The following NARS2 variants were observed in gnomAD, a reference collection of about 807,000 sequenced individuals.
The protein encoded by NARS2 is asparaginyl-tRNA synthetase 2, mitochondrial, also known as asparaginyl-tRNA synthetase.
NARS2 carries 60 observed loss-of-function variants against 62.9 expected under a neutral mutation model. That is an observed-to-expected ratio of 0.95 (90% CI 0.77 to 1.18). NARS2 has a LOEUF of 1.18. NARS2 is among the 50% of genes most tolerant of loss of function. NARS2 has a pLI of 0.00. For missense variants in NARS2, 619 were observed against 576.4 expected, an observed-to-expected ratio of 1.07 and a Z score of -0.76; for synonymous variants, 196 against 200.0, an observed-to-expected ratio of 0.98 and a Z score of 0.17.
At chr11:78,530,527 G>A (rs980944732) in intron 5 of NARS2, among the ~76,000 whole-genome samples, 3 of 152,182 alleles carry the variant, frequency 2.0e-5, no homozygotes, top group South Asian at 4.1e-4. Flanking sequence ...AGGCTGAAGT[G>A]CAGTGGCGCG....
intron 5 of NARS2, among the ~76,000 whole-genome samples, chr11:78,559,301 CAAAAAAAAAAAAAA>C (rs10627726): frequency 3.4e-5 from 2 of 58,452 alleles, no homozygotes; most frequent in African/African-American, 8.1e-5. Flanking sequence ...GACTCCATCT[CAAAAAAAAAAAAAA>C]AAAAAAAAAA....
intron 5 of NARS2, among the ~76,000 whole-genome samples, chr11:78,537,822 A>ACATG (rs1436465752): frequency 2.0e-5 from 3 of 152,208 alleles, no homozygotes; most frequent in South Asian, 2.1e-4. Context: ...ATACATACAT[A>ACATG]CATGCAAACA....
At chr11:78,514,248 G>A (rs557287020) in intron 6 of NARS2, among the ~76,000 whole-genome samples, 1 of 151,968 alleles carries the variant, frequency 6.6e-6, no homozygotes, top group Admixed American at 6.6e-5. Flanking sequence ...TCAGCCTCCC[G>A]AGTAGCTGGG....
chr11:78,458,333 T>A (rs1377512130), intron 11 of NARS2, among the ~76,000 whole-genome samples: 1 of 152,200 alleles, frequency 6.6e-6, no homozygotes, highest in African/African-American at 2.4e-5. Flanking sequence ...ATTGACTACC[T>A]ACTTCCTAAA....
chr11:78,547,748 C>T (rs1423432250), intron 5 of NARS2, among the ~76,000 whole-genome samples: 1 of 152,166 alleles, frequency 6.6e-6, no homozygotes, highest in Non-Finnish European at 1.5e-5. Flanking sequence ...TATGACTAGA[C>T]TAGTCTTAAG....
At chr11:78,482,462 G>A (rs2135280922) in intron 7 of NARS2, among the ~76,000 whole-genome samples, 1 of 152,088 alleles carries the variant, frequency 6.6e-6, no homozygotes, top group East Asian at 1.9e-4. Flanking sequence ...TCCAGGAGCT[G>A]GTTTTTTGAA....
At chr11:78,465,491 C>T (rs967607423) in intron 11 of NARS2, among the ~76,000 whole-genome samples, 9 of 152,242 alleles carry the variant, frequency 5.9e-5, no homozygotes, top group African/African-American at 1.9e-4. Context: ...CATCTCTTGC[C>T]CAGTATGCCT....
intron 5 of NARS2, among the ~76,000 whole-genome samples, chr11:78,539,274 CAG>C (rs909163311): frequency 1.3e-5 from 2 of 151,686 alleles, no homozygotes; most frequent in African/African-American, 4.8e-5. Flanking sequence ...ACATTGGAAA[CAG>C]AGAAATGGAG....
chr11:78,446,720 A>T (rs546394155), intron 11 of NARS2, among the ~76,000 whole-genome samples: 1 of 152,290 alleles, frequency 6.6e-6, no homozygotes, highest in East Asian at 1.9e-4. Flanking sequence ...TAAATATAAG[A>T]TCTGAAATCA....
At chr11:78,509,110 A>G (rs1391891518) in intron 6 of NARS2, among the ~76,000 whole-genome samples, 1 of 150,892 alleles carries the variant, frequency 6.6e-6, no homozygotes, top group Non-Finnish European at 1.5e-5. Flanking sequence ...GTCTTTAAAA[A>G]GGAAAAAAAA....
intron 9 of NARS2, among the ~76,000 whole-genome samples, chr11:78,471,624 G>A (rs1020044322): frequency 4.6e-5 from 7 of 151,034 alleles, no homozygotes; most frequent in East Asian, 1.9e-4. Flanking sequence ...ATGCTGGTGC[G>A]CTGCACCCAC....
intron 13 of NARS2, among the ~76,000 whole-genome samples, chr11:78,439,584 T>C (rs1167651600): frequency 6.6e-6 from 1 of 152,098 alleles, no homozygotes; most frequent in African/African-American, 2.4e-5. Flanking sequence ...TCATTCCATT[T>C]TATAGCCAAA....
At chr11:78,543,979 C>T (rs1431986514) in intron 5 of NARS2, among the ~76,000 whole-genome samples, 2 of 136,660 alleles carry the variant, frequency 1.5e-5, no homozygotes, top group African/African-American at 5.5e-5. Flanking sequence ...AAGATTGTGC[C>T]ACTGCACTCT....
At chr11:78,465,104 G>T (rs183818293) in intron 11 of NARS2, among the ~76,000 whole-genome samples, 1 of 152,206 alleles carries the variant, frequency 6.6e-6, no homozygotes, top group Non-Finnish European at 1.5e-5. Flanking sequence ...TGCAGGTCCC[G>T]AGCCCTGCCC....
At chr11:78,454,028 T>C (rs1386284963) in intron 11 of NARS2, among the ~76,000 whole-genome samples, 1 of 152,342 alleles carries the variant, frequency 6.6e-6, no homozygotes, top group Non-Finnish European at 1.5e-5. Flanking sequence ...ACCACATTGC[T>C]TCCTTCCTTA....
At chr11:78,493,772 T>C (rs1859933688) in intron 6 of NARS2, among the ~76,000 whole-genome samples, 1 of 152,074 alleles carries the variant, frequency 6.6e-6, no homozygotes, top group South Asian at 2.1e-4. Context: ...TTACTAAATA[T>C]AGAAACATAA....
chr11:78,462,777 C>G (rs574026981), intron 11 of NARS2, among the ~76,000 whole-genome samples: 1 of 152,022 alleles, frequency 6.6e-6, no homozygotes. Context: ...GCTAATACAG[C>G]TGTATTAATA....
rs570201761 is a variant in NARS2, at chr11:78,464,336, CCA to C, written c.1164+1538_1164+1539del. On this transcript the variant is annotated intron_variant, in intron 11 of 13. Coordinates refer to ENST00000281038, the MANE Select transcript of NARS2 (RefSeq NM_024678.6). ...TGCAAAGAGCGAAAGAACAAAACTT[CCA>C]CAGTGTGGAAGGGGACCCGAGCGGG... is the stretch of plus-strand genomic sequence containing the variant. Among the ~76,000 whole-genome samples the C allele has an allele frequency of 7.2e-3, 1,097 of 152,250 alleles. 6 individuals carry two copies. The highest frequency in any genetic ancestry group is 9.2e-3 in the Non-Finnish European group (627 of 67,998).
chr11:78,466,141 G>C, intron 10 of NARS2, 128 bp from the exon 11 acceptor site: 1 of 920,966 alleles, frequency 1.1e-6, no homozygotes, highest in Non-Finnish European at 1.6e-6. Flanking sequence ...GGAGCTAGCT[G>C]CTAAGGTTAC....
Sources: gnomAD v4.1 joint callset for allele counts (sites outside exome capture counted in the v4.1 genomes callset) on GRCh38, gnomAD v4.1.1 for gene constraint, MANE v1.5 for transcripts, NCBI Gene and HGNC (gene_info 2026-07-23, HGNC 2026-07-21) for gene names.